HS6ST3: variants seen among roughly 807,000 people sequenced by gnomAD.
HS6ST3 encodes the protein heparan sulfate 6-O-sulfotransferase 3, also known as heparan-sulfate 6-O-sulfotransferase 3.
A neutral mutation model predicts 36.7 loss-of-function variants in HS6ST3; 12 were observed. The ratio of observed to expected loss-of-function variants is 0.33; its 90% confidence interval spans 0.21 to 0.53. The LOEUF is 0.53. HS6ST3 is among the 20% of genes least tolerant of loss of function. HS6ST3 has a pLI of 0.95. For missense variants in HS6ST3, 584 were observed against 640.9 expected (o/e 0.91, Z 0.96); for synonymous variants, 240 against 257.5 (o/e 0.93, Z 0.65).
chr13:96,235,999 C>T (rs2054532875), intron 1 of HS6ST3, among the ~76,000 whole-genome samples: 1 of 152,198 alleles, frequency 6.6e-6, no homozygotes, highest in South Asian at 2.1e-4. Context: ...ACAGTGCAGC[C>T]TTCAGCCTGT....
At chr13:96,760,475 C>T (rs866092556) in intron 1 of HS6ST3, among the ~76,000 whole-genome samples, 7 of 143,164 alleles carry the variant, frequency 4.9e-5, no homozygotes, top group Admixed American at 1.4e-4. Context: ...ATAACATTTA[C>T]GTTGTTCTGT....
intron 1 of HS6ST3, among the ~76,000 whole-genome samples, chr13:96,580,015 C>G (rs560670315): frequency 6.6e-6 from 1 of 152,052 alleles, no homozygotes; most frequent in South Asian, 2.1e-4. Flanking sequence ...TTCACATTTT[C>G]TTCAACTTTT....
At chr13:96,326,898 G>T (rs1032893325) in intron 1 of HS6ST3, among the ~76,000 whole-genome samples, 1 of 150,452 alleles carries the variant, frequency 6.6e-6, no homozygotes, top group Non-Finnish European at 1.5e-5. Context: ...GTATCTCATT[G>T]TGGTTTTGAT....
At chr13:96,396,181 G>C (rs1030528358) in intron 1 of HS6ST3, among the ~76,000 whole-genome samples, 1 of 152,026 alleles carries the variant, frequency 6.6e-6, no homozygotes, top group East Asian at 1.9e-4. Flanking sequence ...GGGTGTAGTA[G>C]TGGACACCTG....
chr13:96,702,974 C>A (rs1875327768), intron 1 of HS6ST3, among the ~76,000 whole-genome samples: 1 of 152,212 alleles, frequency 6.6e-6, no homozygotes, highest in Non-Finnish European at 1.5e-5. Context: ...TGCTCTATAA[C>A]TTTGGGCTAG....
intron 1 of HS6ST3, among the ~76,000 whole-genome samples, chr13:96,379,171 G>A (rs1054802962): frequency 6.6e-5 from 10 of 152,160 alleles, no homozygotes; most frequent in African/African-American, 2.2e-4. Context: ...TCTGCACATC[G>A]TCATAAATGA....
intron 1 of HS6ST3, among the ~76,000 whole-genome samples, chr13:96,108,729 G>C (rs1330137638): frequency 6.6e-6 from 1 of 152,038 alleles, no homozygotes. Context: ...GAAGGAAAGA[G>C]GTAAAGGACA....
chr13:96,205,423 A>G (rs114377519), intron 1 of HS6ST3, among the ~76,000 whole-genome samples: 2,327 of 152,172 alleles, frequency 0.015, 61 homozygotes, highest in African/African-American at 0.054. Flanking sequence ...GACCATTTCT[A>G]CTGAAACTAT....
intron 1 of HS6ST3, among the ~76,000 whole-genome samples, chr13:96,099,250 GTTGTTTTTATGTAAAAATAAAA>G (rs1276935963): frequency 3.3e-5 from 5 of 152,126 alleles, no homozygotes. Context: ...ACACATATAT[GTTGTTTTTATGTAAAAATAAAA>G]TGATAGCTAA....
intron 1 of HS6ST3, among the ~76,000 whole-genome samples, chr13:96,355,010 C>T (rs553861132): frequency 2.1e-4 from 32 of 152,094 alleles, no homozygotes; most frequent in African/African-American, 7.7e-4. Context: ...AAACAAAAAA[C>T]TAACCAGCAT....
At chr13:96,113,059 C>G (rs1397585567) in intron 1 of HS6ST3, among the ~76,000 whole-genome samples, 1 of 152,110 alleles carries the variant, frequency 6.6e-6, no homozygotes, top group African/African-American at 2.4e-5. Flanking sequence ...GCAATGGGCA[C>G]TGCCCTCATG....
intron 1 of HS6ST3, among the ~76,000 whole-genome samples, chr13:96,265,744 G>T (rs767160877): frequency 3.3e-5 from 5 of 152,092 alleles, no homozygotes; most frequent in Non-Finnish European, 4.4e-5. Flanking sequence ...TATACTTGTT[G>T]TCATGGTCTT....
intron 1 of HS6ST3, among the ~76,000 whole-genome samples, chr13:96,316,534 A>G (rs1042106547): frequency 5.3e-5 from 8 of 152,164 alleles, no homozygotes; most frequent in African/African-American, 1.9e-4. Flanking sequence ...TAGCTAGGGA[A>G]GGTCTTTGTC....
chr13:96,559,582 T>C (rs2056254385), intron 1 of HS6ST3, among the ~76,000 whole-genome samples: 1 of 152,164 alleles, frequency 6.6e-6, no homozygotes, highest in Non-Finnish European at 1.5e-5. Context: ...GTTCTATTAA[T>C]GAGCTAGGAA....
rs557919488 is a variant in HS6ST3 at position 96,187,586 on chromosome 13, A to C, written c.707+96017A>C. ...GTGGCTTCATATTAGGTTATAGAAT[A>C]GGTTCTGGCACTTGAATATTGGCTG... On this transcript the variant is annotated intron_variant, in intron 1 of 1. Coordinates refer to ENST00000376705, the MANE Select transcript of HS6ST3 (RefSeq NM_153456.4). Among the ~76,000 whole-genome samples the C allele has an allele frequency of 2.0e-5, 3 of 152,294 alleles. No homozygotes were observed. The South Asian group carries it at 6.2e-4, about 32-fold the overall frequency.
At chr13:96,451,671 A>T (rs1020878838) in intron 1 of HS6ST3, among the ~76,000 whole-genome samples, 1 of 152,154 alleles carries the variant, frequency 6.6e-6, no homozygotes. Context: ...TTCTTCAAAC[A>T]CTGTAATCAA....
rs1878892189 is a variant in HS6ST3 at position 96,835,037 on chromosome 13, C to T, written c.*1839C>T. ...CATTTCATAGATGAAAATAGTGAAG[C>T]CCACAGAAAATAAGTAGCTCCTCCA... On this transcript the variant is annotated 3_prime_UTR_variant, in exon 2 of 2. Coordinates refer to ENST00000376705, the MANE Select transcript of HS6ST3 (RefSeq NM_153456.4). The T allele has an allele frequency of 6.6e-6, 1 of 152,106 alleles. No individual in the cohort carries two copies. The highest frequency in any genetic ancestry group is 2.4e-5 in the African/African-American group (1 of 41,412). The allele number at this position is 152,106 out of a possible 1,614,324, so 9.4% of individuals were successfully genotyped here. A position where few individuals can be genotyped will look rare whatever the true frequency, so the allele number is the denominator to read the frequency against.
intron 1 of HS6ST3, among the ~76,000 whole-genome samples, chr13:96,333,182 T>C (rs985787958): frequency 3.9e-5 from 6 of 152,168 alleles, no homozygotes; most frequent in Non-Finnish European, 8.8e-5. Context: ...AAAAAGGAAA[T>C]GGAAATGCAG....
intron 1 of HS6ST3, among the ~76,000 whole-genome samples, chr13:96,261,120 T>C (rs2054664515): frequency 6.6e-6 from 1 of 152,124 alleles, no homozygotes; most frequent in African/African-American, 2.4e-5. Flanking sequence ...TTTTAAAAAA[T>C]GTCTTTGAAT....
Sources: gnomAD v4.1 joint callset for allele counts (sites outside exome capture counted in the v4.1 genomes callset) on GRCh38, gnomAD v4.1.1 for gene constraint, MANE v1.5 for transcripts, NCBI Gene and HGNC (gene_info 2026-07-23, HGNC 2026-07-21) for gene names.